Variants in FAR1 observed in about 807,000 individuals in gnomAD.
The protein encoded by FAR1 is fatty acyl-CoA reductase 1.
Under a neutral mutation model 61.1 loss-of-function variants are expected in FAR1, and 22 were observed. The observed-to-expected ratio is 0.36, with a 90% confidence interval of 0.26 to 0.51. The LOEUF (loss-of-function observed/expected upper bound fraction) is 0.51. Ranked by LOEUF, FAR1 falls within the 20% of genes least tolerant of loss-of-function variation. FAR1 has a pLI of 0.95. For synonymous variants in FAR1, 206 were observed against 209.7 expected, an observed-to-expected ratio of 0.98 and a Z score of 0.15; for missense variants, 359 against 626.9, an observed-to-expected ratio of 0.57 and a Z score of 4.56.
At chr11:13,695,857 C>A (rs1208359009) in intron 2 of FAR1, among the ~76,000 whole-genome samples, 1 of 152,176 alleles carries the variant, frequency 6.6e-6, no homozygotes, top group Non-Finnish European at 1.5e-5. Context: ...CACCATGCAA[C>A]AGATATTCCT....
At chr11:13,708,756 C>T (rs1848467000) in intron 4 of FAR1, among the ~76,000 whole-genome samples, 1 of 152,038 alleles carries the variant, frequency 6.6e-6, no homozygotes, top group Non-Finnish European at 1.5e-5. Flanking sequence ...CCCCTCACCA[C>T]CCCCCAGCCA....
rs547560539 is a variant in FAR1 at position 13,687,383 on chromosome 11, G to A, written c.-7-7376G>A. On this transcript the variant is annotated intron_variant, in intron 1 of 11. Transcript: ENST00000354817. ...TGTCGTCCCCTTCCCCAAGTGTGTGGGAATGCTAATGCTGCAGCTTTTCTC... is the reference window on the plus strand; with the variant it reads ...TGTCGTCCCCTTCCCCAAGTGTGTGAGAATGCTAATGCTGCAGCTTTTCTC... Among the ~76,000 whole-genome samples, 21 of 152,292 alleles carry A rather than the reference G, an allele frequency of 1.4e-4. 1 individual carries two copies. The East Asian group carries it at 2.7e-3, about 20-fold the overall frequency.
chr11:13,718,091 T>C (rs1848574026), intron 9 of FAR1, among the ~76,000 whole-genome samples: 2 of 152,178 alleles, frequency 1.3e-5, no homozygotes, highest in Admixed American at 1.3e-4. Context: ...AATCCTTGCC[T>C]CTTAGATCCT....
intron 1 of FAR1, among the ~76,000 whole-genome samples, chr11:13,670,373 C>T (rs933499070): frequency 2.0e-5 from 3 of 152,200 alleles, no homozygotes; most frequent in African/African-American, 7.2e-5. Context: ...GCTGCAACCT[C>T]CACCTCCCAG....
chr11:13,690,000 C>T (rs1434901600), intron 1 of FAR1, among the ~76,000 whole-genome samples: 3 of 151,956 alleles, frequency 2.0e-5, no homozygotes, highest in Non-Finnish European at 4.4e-5. Context: ...CTCAGCCTCC[C>T]AAGTCGCTGG....
chr11:13,717,712 G>A (rs1406986434), intron 9 of FAR1, among the ~76,000 whole-genome samples: 2 of 152,144 alleles, frequency 1.3e-5, no homozygotes, highest in African/African-American at 4.8e-5. Context: ...CAGGACATGC[G>A]GTTTTTGTTG....
At chr11:13,692,529 G>A (rs1054306697) in intron 1 of FAR1, among the ~76,000 whole-genome samples, 2 of 151,888 alleles carry the variant, frequency 1.3e-5, no homozygotes, top group Non-Finnish European at 2.9e-5. Context: ...ATTTTTGTAC[G>A]TCTTCACCAA....
At chr11:13,703,571 A>T (rs1185844829) in intron 3 of FAR1, among the ~76,000 whole-genome samples, 2 of 152,234 alleles carry the variant, frequency 1.3e-5, no homozygotes, top group African/African-American at 4.8e-5. Context: ...GCGATAGGAT[A>T]TGCAAAATAA....
At chr11:13,726,724 TTCC>T (rs1848669975) in intron 10 of FAR1, among the ~76,000 whole-genome samples, 1 of 151,466 alleles carries the variant, frequency 6.6e-6, no homozygotes, top group African/African-American at 2.4e-5. Context: ...ACTGCTTCTC[TTCC>T]TTTTTTTTTT....
chr11:13,699,852 A>G (rs1373897959), intron 2 of FAR1, among the ~76,000 whole-genome samples: 2 of 152,220 alleles, frequency 1.3e-5, no homozygotes, highest in Non-Finnish European at 2.9e-5. Flanking sequence ...CTAAGATTTT[A>G]GGTAGAATGT....
rs573635521 is a variant in FAR1 at position 13,702,195 on chromosome 11, GATC to G, written c.365+1704_365+1706del. Among the ~76,000 whole-genome samples the G allele has an allele frequency of 1.6e-4, 24 of 152,076 alleles. No homozygotes were observed. The South Asian group carries it at 5.0e-3, about 32-fold the overall frequency. On this transcript the variant is annotated intron_variant, in intron 3 of 11. Transcript: ENST00000354817. ...AAGTATGTTATTAGGACTATAATAT[GATC>G]TTATTTTCATAACATATATGTGTAG...
intron 1 of FAR1, among the ~76,000 whole-genome samples, chr11:13,681,559 A>G (rs535000853): frequency 6.6e-6 from 1 of 152,318 alleles, no homozygotes; most frequent in South Asian, 2.1e-4. Context: ...AGAAAAGGTG[A>G]GAGAGCTTTT....
At chr11:13,713,430 A>C (rs1254466360) in intron 8 of FAR1, among the ~76,000 whole-genome samples, 1 of 152,132 alleles carries the variant, frequency 6.6e-6, no homozygotes, top group Non-Finnish European at 1.5e-5. Flanking sequence ...TGGTACCCAG[A>C]GTAATAAATG....
At chr11:13,692,603 A>C (rs1421855810) in intron 1 of FAR1, among the ~76,000 whole-genome samples, 2 of 152,070 alleles carry the variant, frequency 1.3e-5, no homozygotes, top group African/African-American at 4.8e-5. Context: ...TTTGAGTTTA[A>C]AATTTTTCAC....
chr11:13,686,015 C>A (rs1214129498), intron 1 of FAR1, among the ~76,000 whole-genome samples: 2 of 152,116 alleles, frequency 1.3e-5, no homozygotes, highest in Non-Finnish European at 2.9e-5. Context: ...GCTGTGCACT[C>A]AATTCTCATT....
chr11:13,715,736 C>A (rs1482042356), intron 9 of FAR1: 4 of 151,908 alleles, frequency 2.6e-5, no homozygotes, highest in African/African-American at 9.7e-5. Flanking sequence ...CTGTCTTTAC[C>A]ACACAATTAC....
chr11:13,692,543 T>C (rs1848261522), intron 1 of FAR1, among the ~76,000 whole-genome samples: 1 of 151,712 alleles, frequency 6.6e-6, no homozygotes, highest in African/African-American at 2.4e-5. Flanking sequence ...TCACCAACAC[T>C]TATTTTTTTC....
At chr11:13,691,490 G>A (rs112835465) in intron 1 of FAR1, among the ~76,000 whole-genome samples, 3 of 152,216 alleles carry the variant, frequency 2.0e-5, no homozygotes, top group East Asian at 1.9e-4. Context: ...TTCATCATTC[G>A]AAAGTAAAAC....
At chr11:13,709,219 C>T (rs1401662779) in intron 4 of FAR1, among the ~76,000 whole-genome samples, 2 of 152,056 alleles carry the variant, frequency 1.3e-5, no homozygotes, top group African/African-American at 2.4e-5. Flanking sequence ...TTCTTTAAGG[C>T]TTTCCTGCTA....
Sources: gnomAD v4.1 joint callset for allele counts (sites outside exome capture counted in the v4.1 genomes callset) on GRCh38, gnomAD v4.1.1 for gene constraint, MANE v1.5 for transcripts, NCBI Gene and HGNC (gene_info 2026-07-23, HGNC 2026-07-21) for gene names.